The following NR2E1 variants were observed in gnomAD, a reference collection of about 807,000 sequenced individuals.
The protein encoded by NR2E1 is nuclear receptor subfamily 2 group E member 1.
In NR2E1, 5 loss-of-function variants were observed where a neutral mutation model predicts 43.6. The ratio of observed to expected loss-of-function variants is 0.11; its 90% CI spans 0.06 to 0.24. NR2E1 has a LOEUF of 0.24. Among genes scored for constraint, NR2E1 ranks in the 10% least tolerant of loss-of-function variants. NR2E1 has a pLI of 1.00. For missense variants in NR2E1, 287 were observed against 496.7 expected, an observed-to-expected ratio of 0.58 and a Z score of 4.01; for synonymous variants, 191 against 195.5, an observed-to-expected ratio of 0.98 and a Z score of 0.19.
At position 108,171,708 on chromosome 6, in the gene NR2E1, C is replaced by A. The variant is rs17069322; in HGVS notation, c.171+105C>A. On this transcript the variant is annotated intron_variant, in intron 2 of 8. Transcript: ENST00000368986. ...GTTTCCACGCAGTTGAGGAGAGACC[C>A]GGCCCTGACCTCTCCCTTCCTCTCC... 6.2e-3 allele frequency: 8,643 copies of A among 1,401,676 alleles called. 38 individuals are homozygous for A. The highest frequency in any genetic ancestry group is 7.7e-3 in the Non-Finnish European group (7,687 of 998,514). 86.8% of individuals were successfully genotyped at this position (1,401,676 alleles called of 1,614,324 possible).
rs776901831 is a variant in NR2E1, at chr6:108,176,673, C to T, written c.430C>T (p.Leu144=). The stretch of plus-strand genomic sequence containing the variant: ...GCAGCTGGAGCCGCACGGCCTGGAG[C>T]TGGCCGCGGTGTCCACCACTCCAGA... ...VTQLEPHGLE[L]AAVSTTPERQ... is the part of the protein sequence containing the mutation. Residue 144 remains leucine (L), a synonymous_variant, in exon 4 of 9, where the codon CTG becomes TTG. Coordinates refer to ENST00000368986, the MANE Select transcript of NR2E1 (RefSeq NM_003269.5). 1.7e-5 allele frequency: 28 copies of T among 1,601,694 alleles called. No individual in the cohort carries two copies. The Admixed American group carries it at 4.6e-4, about 26-fold the overall frequency.
At chr6:108,182,779 G>A (rs932616843) in intron 8 of NR2E1, among the ~76,000 whole-genome samples, 14 of 151,982 alleles carry the variant, frequency 9.2e-5, no homozygotes, top group East Asian at 1.9e-4. Flanking sequence ...GGCAGGTCTC[G>A]AACTCCTGAA....
At chr6:108,181,460 C>T (rs1311314196) in intron 7 of NR2E1, 86 bp from the exon 8 acceptor site, 2 of 1,132,292 alleles carry the variant, frequency 1.8e-6, no homozygotes, top group South Asian at 1.2e-5. Context: ...TCCCAAAGTG[C>T]TGGGATTACA....
chr6:108,184,977 G>A (rs930069046), intron 8 of NR2E1, among the ~76,000 whole-genome samples: 2 of 152,148 alleles, frequency 1.3e-5, no homozygotes, highest in African/African-American at 2.4e-5. Flanking sequence ...AGCTACAGCT[G>A]TAATTTAATA....
intron 2 of NR2E1, among the ~76,000 whole-genome samples, chr6:108,174,397 A>C (rs578044336): frequency 1.3e-5 from 2 of 152,320 alleles, no homozygotes; most frequent in South Asian, 2.1e-4. Flanking sequence ...ATCCTGACCC[A>C]AAAGCCAGCT....
In NR2E1 at chr6:108,171,483, A is replaced by C. The variant is rs1490367933; in HGVS notation, c.51A>C (p.Lys17Asn). ...GCCGCATTTTAGATATCCCCTGCAA[A>C]GTGTGTGGCGACCGCAGCTCGGGGA... is the stretch of plus-strand genomic sequence containing the variant. ...STSRILDIPC[K>N]VCGDRSSGKH... Residue 17 changes from lysine to asparagine, a missense_variant, in exon 2 of 9, where the codon AAA becomes AAC. Physicochemically the swap from Lys to Asn is moderately conservative, Grantham distance 94. Around this residue, in one of 4 missense-constraint regions of NR2E1, gnomAD observed 46 missense variants for 132.3 expected, o/e 0.35. Coordinates refer to ENST00000368986, the MANE Select transcript of NR2E1 (RefSeq NM_003269.5). The C allele has an allele frequency of 6.2e-7, 1 of 1,613,658 alleles. No individual in the cohort carries two copies. The highest frequency in any genetic ancestry group is 8.5e-7 in the Non-Finnish European group (1 of 1,179,966).
intron 2 of NR2E1, among the ~76,000 whole-genome samples, chr6:108,172,465 C>G (rs1773829539): frequency 6.6e-6 from 1 of 152,156 alleles, no homozygotes. Context: ...AGCAGAACCT[C>G]TTGACTCAGT....
rs1773971577 is a variant in NR2E1 at position 108,180,823 on chromosome 6, C to T, written c.756C>T (p.Asn252=). Residue 252 remains asparagine, a synonymous_variant, in exon 7 of 9, where the codon AAC becomes AAT. Transcript: ENST00000368986. This position sits in a 1 kb window ranked among gnomAD's most constrained non-coding sequence, Gnocchi z 5.4. ...LLAVSGMNGD[N]TDSQKLNKII... ...TTATTCTAGGCATGAACGGTGACAA[C>T]ACAGATTCCCAGAAGCTGAACAAGA... is the stretch of plus-strand genomic sequence containing the variant. 2 of 1,613,880 alleles carry T rather than the reference C, an allele frequency of 1.2e-6. No individual in the cohort carries two copies. The highest frequency in any genetic ancestry group is 2.7e-5 in the African/African-American group (2 of 74,908).
At chr6:108,175,814 C>T (rs1221533195) in intron 3 of NR2E1, among the ~76,000 whole-genome samples, 1 of 152,242 alleles carries the variant, frequency 6.6e-6, no homozygotes, top group East Asian at 1.9e-4. Context: ...AGCGTCCAAC[C>T]TGTTGAACTT....
At position 108,178,132 on chromosome 6, in the gene NR2E1, A is replaced by G. The variant is rs767009216; in HGVS notation, c.533A>G (p.Tyr178Cys). 8 of 1,614,002 alleles carry G rather than the reference A, an allele frequency of 5.0e-6. No homozygotes were observed. Among genetic ancestry groups the G allele is most frequent in the South Asian group, 1.1e-5 (1 of 91,076 alleles). Residue 178 changes from tyrosine to cysteine, a missense_variant, in exon 5 of 9, where the codon TAT becomes TGT. Physicochemically the swap from Tyr to Cys is radical, Grantham distance 194. Coordinates refer to ENST00000368986, the MANE Select transcript of NR2E1 (RefSeq NM_003269.5). ...GTGAATGGGACCCCAATGTATCTCT[A>G]TGAAGTGGCCACGGAGTCGGTGTGT... ...HEVNGTPMYL[Y>C]EVATESVCES...
rs916918207 is a variant in NR2E1 at position 108,169,713 on chromosome 6, C to A, written c.26-1745C>A. On this transcript the variant is annotated intron_variant, in intron 1 of 8. Transcript: ENST00000368986. The surrounding 1 kb of genome is among the most constrained non-coding windows in gnomAD (Gnocchi z 6.1). ...GCCCGAAGGAGTGGAGGACAAGACCCGCTGTGCCCTTGCCTGGCCCTCTCC... is the reference window on the plus strand; with the variant it reads ...GCCCGAAGGAGTGGAGGACAAGACCAGCTGTGCCCTTGCCTGGCCCTCTCC... Among the ~76,000 whole-genome samples the A allele has an allele frequency of 6.6e-6, 1 of 152,060 alleles. No individual in the cohort carries two copies. The highest frequency in any genetic ancestry group is 1.5e-5 in the Non-Finnish European group (1 of 67,996).
intron 3 of NR2E1, 122 bp downstream of exon 3, chr6:108,175,045 G>A (rs1582444667): frequency 1.1e-6 from 1 of 917,290 alleles, no homozygotes; most frequent in Non-Finnish European, 1.7e-6. Context: ...CAGATGCTGG[G>A]AATTGGCCTC....
chr6:108,168,060 G>C (rs758318309), intron 1 of NR2E1: 1 of 1,602,684 alleles, frequency 6.2e-7, no homozygotes, highest in Non-Finnish European at 8.5e-7. Context: ...AGCAGAGAAG[G>C]AGCCCTCACC....
At chr6:108,168,997 G>A (rs1361749180) in intron 1 of NR2E1, 2 of 152,246 alleles carry the variant, frequency 1.3e-5, no homozygotes, top group Non-Finnish European at 2.9e-5. Flanking sequence ...GGACCCCCTG[G>A]CGAGGGAAGT....
At position 108,169,338 on chromosome 6, in the gene NR2E1, G is replaced by A. The variant is rs1454329496; in HGVS notation, c.26-2120G>A. Among the ~76,000 whole-genome samples, 1 of 152,218 alleles carries A rather than the reference G, an allele frequency of 6.6e-6. No individual in the cohort carries two copies. Among genetic ancestry groups the A allele is most frequent in the East Asian group, 1.9e-4 (1 of 5,188 alleles). ...GGAAGCTCGGGCGGGGGAATCCGAG[G>A]AGGGGCCCCCACCCTGCACTGGTCT... On this transcript the variant is annotated intron_variant, in intron 1 of 8. Transcript: ENST00000368986. The surrounding 1 kb of genome is among the most constrained non-coding windows in gnomAD (Gnocchi z 6.1).
intron 2 of NR2E1, 61 bp from the exon 3 acceptor site, chr6:108,174,775 C>T: frequency 6.2e-6 from 9 of 1,450,540 alleles, no homozygotes; most frequent in Middle Eastern, 2.1e-4. Context: ...GCCCGGGTGC[C>T]GGCTCCGGGT....
Position 108,187,309 on chromosome 6 carries a change from C to T in NR2E1, c.1004C>T (p.Thr335Ile), listed in dbSNP as rs750404364. ...GGCTTCTCACATTCCAGATATCCCA[C>T]TCAACCCTGTCGCTTTGGAAAACTC... Reference protein sequence around the residue: ...LNSYIHTRYPTQPCRFGKLLL... With the variant: ...LNSYIHTRYPIQPCRFGKLLL... The change falls in exon 9 of 9, where the codon ACT (threonine) becomes ATT (isoleucine). Residue 335 changes from threonine to isoleucine, a missense_variant. Transcript: ENST00000368986. 3 of 1,614,262 alleles carry T rather than the reference C, an allele frequency of 1.9e-6. No individual in the cohort carries two copies. The highest frequency in any genetic ancestry group is 2.7e-5 in the African/African-American group (2 of 75,064).
Position 108,171,519 on chromosome 6 carries a change from G to C in NR2E1, c.87G>C (p.Gly29=). 6.2e-7 allele frequency: 1 copy of C among 1,614,012 alleles called. No homozygotes were observed. The highest frequency in any genetic ancestry group is 8.5e-7 in the Non-Finnish European group (1 of 1,180,034). The change falls in exon 2 of 9, where the codon GGG becomes GGC. Residue 29 remains glycine (G), a synonymous_variant. Coordinates refer to ENST00000368986, the MANE Select transcript of NR2E1 (RefSeq NM_003269.5). ...ACCGCAGCTCGGGGAAGCACTACGG[G>C]GTCTACGCCTGCGACGGCTGCTCAG... is the stretch of plus-strand genomic sequence containing the variant. ...CGDRSSGKHY[G]VYACDGCSGF...
rs1417186862 is a variant in NR2E1 at position 108,187,577 on chromosome 6, C to A, written c.*114C>A. ...GAAGCATATACCGGGGAATGTGTAG[C>A]CTTCAGGAAAAAAATGCCAATTGAC... On this transcript the variant is annotated 3_prime_UTR_variant, in exon 9 of 9. Coordinates refer to ENST00000368986, the MANE Select transcript of NR2E1 (RefSeq NM_003269.5). 1 of 1,231,526 alleles carries A rather than the reference C, an allele frequency of 8.1e-7. No homozygotes were observed. The highest frequency in any genetic ancestry group is 1.2e-6 in the Non-Finnish European group (1 of 846,106). 76.3% of individuals were successfully genotyped at this position (1,231,526 alleles called of 1,614,324 possible).
Sources: allele counts gnomAD v4.1 joint callset (sites outside exome capture counted in the v4.1 genomes callset), GRCh38; gene constraint gnomAD v4.1.1; regional missense constraint gnomAD v4.1.1; non-coding constraint Gnocchi (gnomAD v3.1); transcripts MANE v1.5; gene names NCBI Gene and HGNC (gene_info 2026-07-23, HGNC 2026-07-21).